ADGB: variants seen among roughly 807,000 people sequenced by gnomAD.
The protein encoded by ADGB is calpain-7-like protein.
In ADGB, 172 loss-of-function variants were observed where a neutral mutation model predicts 210.5. The observed-to-expected ratio is 0.82, with a 90% CI of 0.72 to 0.93. The LOEUF is 0.93. Ranked by LOEUF, ADGB falls within the 40% of genes least tolerant of loss-of-function variation. The pLI is 0.00. For synonymous variants in ADGB, 658 were observed against 662.7 expected (o/e 0.99, Z 0.11); for missense variants, 2,025 against 1,964.8 (o/e 1.03, Z -0.58).
rs77528297 is a variant in ADGB, at chr6:146,791,366, G to T, written c.4537+2756G>T. 4.3e-3 allele frequency among the ~76,000 whole-genome samples: 660 copies of T among 152,094 alleles called. 3 individuals carry two copies. The highest frequency in any genetic ancestry group is 0.015 in the African/African-American group (614 of 41,492). Reference sequence around the variant, plus strand: ...ATCTATTTTTAGTTGATCATTTTTGGTTTTTGTTTTATTTTTAGAAAGGTT... The same window carrying T: ...ATCTATTTTTAGTTGATCATTTTTGTTTTTTGTTTTATTTTTAGAAAGGTT... On this transcript the variant is annotated intron_variant, in intron 33 of 35. Transcript: ENST00000397944.
intron 27 of ADGB, among the ~76,000 whole-genome samples, 176 bp from the exon 28 acceptor site, chr6:146,763,725 C>G (rs1014923332): frequency 1.3e-5 from 2 of 152,140 alleles, no homozygotes; most frequent in Non-Finnish European, 2.9e-5. Flanking sequence ...ATGTCACATA[C>G]TATTATAATA....
At chr6:146,672,586 T>C (rs893351512) in intron 8 of ADGB, 119 bp downstream of exon 8, 22 of 1,217,040 alleles carry the variant, frequency 1.8e-5, no homozygotes, top group Admixed American at 3.1e-5. Flanking sequence ...GAGAGGGTTC[T>C]TGGATCTCAC....
At chr6:146,756,623 T>C (rs926708279) in intron 27 of ADGB, among the ~76,000 whole-genome samples, 4 of 152,126 alleles carry the variant, frequency 2.6e-5, no homozygotes, top group Non-Finnish European at 5.9e-5. Context: ...CTCAGTGTAA[T>C]TGTGCTCGCT....
chr6:146,715,338 G>A (rs950846052), intron 13 of ADGB, 44 bp from the exon 14 acceptor site: 16 of 1,419,032 alleles, frequency 1.1e-5, no homozygotes, highest in Middle Eastern at 1.8e-4. Context: ...TTGGATAGCT[G>A]TAATGTTTTG....
At chr6:146,766,026 A>G (rs954099722) in intron 28 of ADGB, among the ~76,000 whole-genome samples, 2 of 152,134 alleles carry the variant, frequency 1.3e-5, no homozygotes, top group African/African-American at 4.8e-5. Flanking sequence ...CAAATACAGA[A>G]CAAAAAATTA....
chr6:146,724,160 T>TTAA, intron 17 of ADGB, 26 bp from the exon 18 acceptor site: 1 of 1,534,382 alleles, frequency 6.5e-7, no homozygotes, highest in South Asian at 1.2e-5. Flanking sequence ...TGATCAAACT[T>TTAA]TAATACCTTT....
chr6:146,785,662 A>T lies in ADGB; in HGVS notation c.4265A>T (p.Asp1422Val), dbSNP rs1186131255. ...YLSGFIKKTS[D>V]AESPPISESQ... Reference sequence around the variant, plus strand: ...AGCGGGTTCATTAAGAAAACATCTGATGCTGAGAGTCCGCCTATATCTGAA... The same window carrying T: ...AGCGGGTTCATTAAGAAAACATCTGTTGCTGAGAGTCCGCCTATATCTGAA... Residue 1422 changes from aspartate (D) to valine (V), a missense_variant, in exon 32 of 36, where the codon GAT becomes GTT. By Grantham distance (152) the Asp-to-Val change is radical. Transcript: ENST00000397944. 8 of 1,551,212 alleles carry T rather than the reference A, an allele frequency of 5.2e-6. No individual in the cohort carries two copies. Among genetic ancestry groups the T allele is most frequent in the Non-Finnish European group, 6.1e-6 (7 of 1,146,702 alleles).
intron 7 of ADGB, among the ~76,000 whole-genome samples, chr6:146,669,759 C>G (rs1334742701): frequency 6.6e-6 from 1 of 152,064 alleles, no homozygotes; most frequent in African/African-American, 2.4e-5. Flanking sequence ...CAATGATTTT[C>G]AAGTTTATGC....
At position 146,699,585 on chromosome 6, in the gene ADGB, TCA is replaced by T. The variant is rs200939152; in HGVS notation, c.1578-1353_1578-1352del. Among the ~76,000 whole-genome samples the T allele has an allele frequency of 4.0e-3, 607 of 152,216 alleles. 10 individuals are homozygous for T. The highest frequency in any genetic ancestry group is 0.014 in the African/African-American group (593 of 41,550). ...ACGCCAATCACCTCTGGAAGCACTCTCACAGACACACCCAGAAATAATGTTTT... is the reference window on the plus strand; with the variant it reads ...ACGCCAATCACCTCTGGAAGCACTCTCAGACACACCCAGAAATAATGTTTT... On this transcript the variant is annotated intron_variant, in intron 12 of 35. Coordinates refer to ENST00000397944, the MANE Select transcript of ADGB (RefSeq NM_024694.4).
At position 146,732,579 on chromosome 6, in the gene ADGB, A is replaced by AAG. The variant is rs386408864; in HGVS notation, c.2521-540_2521-539insGA. Among the ~76,000 whole-genome samples the AAG allele has an allele frequency of 3.1e-4, 9 of 28,742 alleles. No homozygotes were observed. The East Asian group carries it at 0.013, about 41-fold the overall frequency. 18.9% of individuals were successfully genotyped at this position (28,742 alleles called of 152,430 possible). A position where few individuals can be genotyped will look rare whatever the true frequency, so the allele number is the denominator to read the frequency against. ...TTATGCAAAAGGAAGCTATTTTGGT[A>AAG]AAAAAAAAAAATCTCCATTTTATAC... On this transcript the variant is annotated intron_variant, in intron 20 of 35. Coordinates refer to ENST00000397944, the MANE Select transcript of ADGB (RefSeq NM_024694.4).
Position 146,658,917 on chromosome 6 carries a change from C to CCAGTT in ADGB, c.612+1939_612+1943dup, listed in dbSNP as rs573396978. On this transcript the variant is annotated intron_variant, in intron 5 of 35. Coordinates refer to ENST00000397944, the MANE Select transcript of ADGB (RefSeq NM_024694.4). ...AGAGGATGCTGTGAGCACTGACATA[C>CCAGTT]CAGTTCCCTATGAATTATTTTGGTA... Among the ~76,000 whole-genome samples the CCAGTT allele has an allele frequency of 5.3e-5, 8 of 152,276 alleles. 1 individual carries two copies. In the South Asian group the frequency reaches 1.7e-3, roughly 32 times the overall value.
intron 25 of ADGB, among the ~76,000 whole-genome samples, chr6:146,744,915 T>C (rs1229961848): frequency 6.6e-6 from 1 of 152,198 alleles, no homozygotes; most frequent in African/African-American, 2.4e-5. Context: ...TTTAATTCAG[T>C]AGTACAATGA....
At chr6:146,612,699 C>A (rs1780728969) in intron 1 of ADGB, among the ~76,000 whole-genome samples, 1 of 152,076 alleles carries the variant, frequency 6.6e-6, no homozygotes, top group Non-Finnish European at 1.5e-5. Context: ...TAAGCTTTGT[C>A]ATCTACCATT....
chr6:146,722,407 A>G (rs1776831839), intron 17 of ADGB, among the ~76,000 whole-genome samples: 1 of 151,554 alleles, frequency 6.6e-6, no homozygotes, highest in Middle Eastern at 3.4e-3. Context: ...TGCTCTTTTT[A>G]CCCCCTCATC....
intron 8 of ADGB, 74 bp from the exon 9 acceptor site, chr6:146,676,239 G>T (rs1776081224): frequency 1.5e-6 from 2 of 1,331,564 alleles, no homozygotes; most frequent in African/African-American, 3.0e-5. Context: ...TTTTCTTTAA[G>T]ACAATGACTG....
chr6:146,639,543 G>A (rs1179070465), intron 2 of ADGB, among the ~76,000 whole-genome samples: 2 of 151,898 alleles, frequency 1.3e-5, no homozygotes, highest in Non-Finnish European at 2.9e-5. Flanking sequence ...TAAGAAAAAG[G>A]AATAAAGGGC....
At chr6:146,652,732 T>C (rs1356699884) in intron 3 of ADGB, among the ~76,000 whole-genome samples, 1 of 152,018 alleles carries the variant, frequency 6.6e-6, no homozygotes, top group African/African-American at 2.4e-5. Flanking sequence ...GCTATCACAA[T>C]CTCAAAAAAA....
intron 13 of ADGB, among the ~76,000 whole-genome samples, chr6:146,709,490 C>A (rs1776626496): frequency 6.6e-6 from 1 of 152,158 alleles, no homozygotes; most frequent in South Asian, 2.1e-4. Flanking sequence ...GCAACCCTGG[C>A]ACTTGCGTCT....
At chr6:146,656,657 C>A in intron 4 of ADGB, 114 bp from the exon 5 acceptor site, 1 of 695,694 alleles carries the variant, frequency 1.4e-6, no homozygotes, top group Non-Finnish European at 2.3e-6. Context: ...GAATACATTA[C>A]ATGTATAATT....
Sources: gnomAD v4.1 joint callset for allele counts (sites outside exome capture counted in the v4.1 genomes callset) on GRCh38, gnomAD v4.1.1 for gene constraint, MANE v1.5 for transcripts, NCBI Gene and HGNC (gene_info 2026-07-23, HGNC 2026-07-21) for gene names.